Variants in LLGL2 observed in about 807,000 individuals in gnomAD.
LLGL2 encodes the protein LLGL2, scribble cell polarity complex component.
Under a neutral mutation model 123.2 loss-of-function variants are expected in LLGL2, and 81 were observed. The observed-to-expected ratio is 0.66, with a 90% CI of 0.55 to 0.79. The LOEUF (loss-of-function observed/expected upper bound fraction) is 0.79, where lower values mean the gene tolerates loss of function less well. LLGL2 is among the 30% of genes least tolerant of loss of function. LLGL2 has a pLI of 0.00. For missense variants in LLGL2, 1,273 were observed against 1,414.6 expected (o/e 0.90, Z 1.61); for synonymous variants, 577 against 594.1 (o/e 0.97, Z 0.42).
Position 75,558,422 on chromosome 17 carries a change from CTT to C in LLGL2, c.256-87_256-86del, listed in dbSNP as rs1776625044. The C allele has an allele frequency of 8.0e-7, 1 of 1,257,114 alleles. No individual in the cohort carries two copies. The highest frequency in any genetic ancestry group is 1.1e-6 in the Non-Finnish European group (1 of 902,432). 77.9% of individuals were successfully genotyped at this position (1,257,114 alleles called of 1,614,324 possible). ...GCCACCCTGGGAGTGGCCAGGGGGT[CTT>C]TTAAACAACTGGGGCTGCGTGGCCC... On this transcript the variant is annotated intron_variant, in intron 4 of 25. Transcript: ENST00000392550. This position sits in a 1 kb window ranked among gnomAD's most constrained non-coding sequence, Gnocchi z 4.0.
rs1250879253 is a variant in LLGL2 at position 75,568,564 on chromosome 17, G to A, written c.1125G>A (p.Gln375=). 3 of 1,613,728 alleles carry A rather than the reference G, an allele frequency of 1.9e-6. No individual in the cohort carries two copies. The African/African-American group carries it at 4.0e-5, about 22-fold the overall frequency. Residue 375 remains glutamine (Q), a synonymous_variant, in exon 11 of 26, where the codon CAG becomes CAA. Coordinates refer to ENST00000392550, the MANE Select transcript of LLGL2 (RefSeq NM_001031803.2). ...DLQTAGWPPV[Q]LPYLASLHCS... is the part of the protein sequence containing the mutation. ...AGACAGCAGGCTGGCCACCGGTCCA[G>A]CTGCCCTACCTGGCTTCTCTGCACT...
chr17:75,568,549 C>G lies in LLGL2; in HGVS notation c.1110C>G (p.Gly370=). The G allele has an allele frequency of 1.2e-6, 2 of 1,613,744 alleles. 1 individual carries two copies. Among genetic ancestry groups the G allele is most frequent in the South Asian group, 2.2e-5 (2 of 91,088 alleles). ...TGGTGATTGACCTGCAGACAGCAGG[C>G]TGGCCACCGGTCCAGCTGCCCTACC... is the stretch of plus-strand genomic sequence containing the variant. ...ELVVIDLQTA[G]WPPVQLPYLA... Residue 370 remains glycine, a synonymous_variant, in exon 11 of 26, where the codon GGC becomes GGG. Coordinates refer to ENST00000392550, the MANE Select transcript of LLGL2 (RefSeq NM_001031803.2).
intron 1 of LLGL2, among the ~76,000 whole-genome samples, chr17:75,527,831 C>T (rs958046559): frequency 5.3e-5 from 8 of 151,654 alleles, no homozygotes; most frequent in Admixed American, 3.3e-4. Flanking sequence ...GGCTGGAGTG[C>T]AGTGGTGCAA....
In LLGL2 at chr17:75,574,935, G is replaced by T. The variant is rs1422769163; in HGVS notation, c.*57G>T. 1.9e-6 allele frequency: 3 copies of T among 1,613,342 alleles called. No homozygotes were observed. In the East Asian group the frequency reaches 6.7e-5, roughly 36 times the overall value. On this transcript the variant is annotated 3_prime_UTR_variant, in exon 26 of 26. Coordinates refer to ENST00000392550, the MANE Select transcript of LLGL2 (RefSeq NM_001031803.2). ...CACACTACTACTGATGGCCTTTCGG[G>T]GGTCCCTGCCCCAACCGGAGAGGCC...
At chr17:75,557,905 C>T in intron 3 of LLGL2, 1 of 547,328 alleles carries the variant, frequency 1.8e-6, no homozygotes, top group Non-Finnish European at 3.4e-6. Context: ...CTTCGCCTTT[C>T]TATGGAGTTG....
chr17:75,573,335 G>C, intron 20 of LLGL2, 57 bp downstream of exon 20: 10 of 1,560,246 alleles, frequency 6.4e-6, no homozygotes, highest in Non-Finnish European at 7.8e-6. Flanking sequence ...GGACGGGAAG[G>C]GTGGCCAGGG....
chr17:75,556,204 G>A, intron 3 of LLGL2, 61 bp downstream of exon 3: 1 of 1,324,322 alleles, frequency 7.6e-7, no homozygotes, highest in South Asian at 1.2e-5. Flanking sequence ...GATTTGGGGA[G>A]GGACATCTTT....
intron 3 of LLGL2, among the ~76,000 whole-genome samples, chr17:75,557,345 G>T (rs957941673): frequency 2.0e-5 from 3 of 152,200 alleles, no homozygotes; most frequent in African/African-American, 7.2e-5. Flanking sequence ...AGTGGAGAGG[G>T]CTCTGCCTGG....
chr17:75,565,562 C>A (rs1042730062), intron 10 of LLGL2, among the ~76,000 whole-genome samples: 2 of 152,212 alleles, frequency 1.3e-5, no homozygotes, highest in African/African-American at 4.8e-5. Flanking sequence ...GCGGGGGCCT[C>A]TTGGGCTATG....
chr17:75,543,304 T>C (rs62088546), intron 1 of LLGL2, 93 bp from the exon 2 acceptor site: 306,952 of 823,046 alleles, frequency 0.37, 60,311 homozygotes, highest in South Asian at 0.57. Context: ...CTACTGGACT[T>C]GGAGAGAGAG....
intron 10 of LLGL2, among the ~76,000 whole-genome samples, chr17:75,567,085 G>A (rs1451535679): frequency 1.3e-5 from 2 of 152,226 alleles, no homozygotes; most frequent in African/African-American, 4.8e-5. Context: ...TTGGAGGCAT[G>A]AAGTTTGGTG....
At position 75,575,017 on chromosome 17, in the gene LLGL2, T is replaced by G; in HGVS notation, c.*139T>G. 2.4e-6 allele frequency: 3 copies of G among 1,228,446 alleles called. No individual in the cohort carries two copies. The highest frequency in any genetic ancestry group is 2.4e-6 in the Non-Finnish European group (2 of 833,730). The allele number at this position is 1,228,446 out of a possible 1,614,324, so 76.1% of individuals were successfully genotyped here. A position where few individuals can be genotyped will look rare whatever the true frequency, so the allele number is the denominator to read the frequency against. On this transcript the variant is annotated 3_prime_UTR_variant, in exon 26 of 26. Transcript: ENST00000392550. The stretch of plus-strand genomic sequence containing the variant: ...ATCCCGGCTTCCACAATGCAGCTGC[T>G]CTGGGCCTCGGGAGAGGAGAGACCC...
Position 75,564,291 on chromosome 17 carries a change from C to T in LLGL2, c.882-62C>T, listed in dbSNP as rs1200432773. ...ACTGAGTGGTGACTTTGATTGCCGG[C>T]CTGTGGCTGTTGAGGCTGTGCCAGG... is the stretch of plus-strand genomic sequence containing the variant. On this transcript the variant is annotated intron_variant, in intron 9 of 25. Transcript: ENST00000392550. This position sits in a 1 kb window ranked among gnomAD's most constrained non-coding sequence, Gnocchi z 4.9. 10 of 1,551,038 alleles carry T rather than the reference C, an allele frequency of 6.4e-6. No individual in the cohort carries two copies. Among genetic ancestry groups the T allele is most frequent in the Non-Finnish European group, 8.7e-6 (10 of 1,151,768 alleles).
chr17:75,530,086 C>A (rs1166550628), intron 1 of LLGL2, among the ~76,000 whole-genome samples: 1 of 152,172 alleles, frequency 6.6e-6, no homozygotes, highest in Non-Finnish European at 1.5e-5. Flanking sequence ...TTCCATGAAG[C>A]ATAAGAGGCA....
intron 1 of LLGL2, among the ~76,000 whole-genome samples, chr17:75,539,156 T>C (rs1476560307): frequency 1.3e-5 from 2 of 151,976 alleles, no homozygotes; most frequent in African/African-American, 4.8e-5. Flanking sequence ...CTTCCCAGGC[T>C]CAGCAATCCT....
intron 25 of LLGL2, 34 bp downstream of exon 25, chr17:75,574,702 C>A (rs746891607): frequency 1.2e-6 from 2 of 1,605,958 alleles, no homozygotes; most frequent in East Asian, 2.2e-5. Flanking sequence ...AGCTGCCAAC[C>A]GTGCTGGGAA....
At chr17:75,538,665 T>G (rs58631882) in intron 1 of LLGL2, 31,960 of 151,944 alleles carry the variant, frequency 0.21, 5,187 homozygotes, top group African/African-American at 0.46. Context: ...AAGTAAGCTA[T>G]TCAGTGTGTC....
rs1001096559 is a variant in LLGL2 at position 75,534,291 on chromosome 17, A to G, written c.-31+8466A>G. 2.6e-5 allele frequency among the ~76,000 whole-genome samples: 4 copies of G among 152,304 alleles called. No individual in the cohort carries two copies. The South Asian group carries it at 6.2e-4, about 24-fold the overall frequency. On this transcript the variant is annotated intron_variant, in intron 1 of 25. Transcript: ENST00000392550. Reference sequence around the variant, plus strand: ...AGGAAACTTCAGGAGGAGTCTAGGCATGGCGGGAGGATCCTCTTGGGGTTG... The same window carrying G: ...AGGAAACTTCAGGAGGAGTCTAGGCGTGGCGGGAGGATCCTCTTGGGGTTG...
In LLGL2 at chr17:75,574,630, A is replaced by G. The variant is rs1218037030; in HGVS notation, c.3017A>G (p.His1006Arg). The G allele has an allele frequency of 2.5e-6, 4 of 1,612,350 alleles. No individual in the cohort carries two copies. The highest frequency in any genetic ancestry group is 3.4e-6 in the Non-Finnish European group (4 of 1,179,698). Reference sequence around the variant, plus strand: ...TGCAGGAGCGGCAACTGGCGTTCACATCGAGCCGCCGTGGGGTGCAGCCTC... The same window carrying G: ...TGCAGGAGCGGCAACTGGCGTTCACGTCGAGCCGCCGTGGGGTGCAGCCTC... ...GDRGSGNWRS[H>R]RAAVGCSLSN... The change falls in exon 25 of 26, where the codon CAT becomes CGT. Residue 1006 changes from histidine to arginine, a missense_variant. By Grantham distance (29) the His-to-Arg change is conservative (BLOSUM62 0). Transcript: ENST00000392550.
Sources: gnomAD v4.1 joint callset for allele counts (sites outside exome capture counted in the v4.1 genomes callset) on GRCh38, gnomAD v4.1.1 for gene constraint, Gnocchi (gnomAD v3.1) non-coding constraint, MANE v1.5 for transcripts, NCBI Gene and HGNC (gene_info 2026-07-23, HGNC 2026-07-21) for gene names.